The following PPFIBP1 variants were observed in gnomAD, a reference collection of about 807,000 sequenced individuals.
PPFIBP1 encodes PPFIB scaffold protein 1, also known as liprin-beta-1.
A neutral mutation model predicts 137.8 loss-of-function variants in PPFIBP1; 112 were observed. The ratio of observed to expected loss-of-function variants is 0.81; its 90% confidence interval spans 0.70 to 0.95. The LOEUF (loss-of-function observed/expected upper bound fraction) is 0.95. PPFIBP1 is among the 40% of genes least tolerant of loss of function. The pLI, the probability that PPFIBP1 is intolerant of heterozygous loss-of-function variation, is 0.00. For synonymous variants in PPFIBP1, 378 were observed against 417.3 expected, an observed-to-expected ratio of 0.91 and a Z score of 1.15; for missense variants, 1,083 against 1,196.6, an observed-to-expected ratio of 0.91 and a Z score of 1.40.
intron 19 of PPFIBP1, 148 bp downstream of exon 19, chr12:27,677,244 G>A: frequency 2.1e-6 from 2 of 942,092 alleles, no homozygotes; most frequent in African/African-American, 1.6e-5. Flanking sequence ...TCCACCTTCT[G>A]CTAAAAAGGA....
intron 8 of PPFIBP1, among the ~76,000 whole-genome samples, chr12:27,655,920 A>G (rs185880223): frequency 1.2e-3 from 183 of 152,382 alleles, no homozygotes; most frequent in South Asian, 5.2e-3. Context: ...TGCTAAAACT[A>G]ATTCTTTACT....
intron 2 of PPFIBP1, among the ~76,000 whole-genome samples, chr12:27,626,864 C>A (rs1171968239): frequency 6.6e-6 from 1 of 152,170 alleles, no homozygotes; most frequent in African/African-American, 2.4e-5. Context: ...CCATGTCTGG[C>A]AGGATTTGCA....
chr12:27,690,198 T>G (rs935309127), intron 27 of PPFIBP1, among the ~76,000 whole-genome samples: 1 of 151,464 alleles, frequency 6.6e-6, no homozygotes, highest in Non-Finnish European at 1.5e-5. Context: ...CAAGCAAATG[T>G]GGAGGGATGC....
At chr12:27,527,400 G>A (rs1025691062) in intron 1 of PPFIBP1, among the ~76,000 whole-genome samples, 2 of 151,784 alleles carry the variant, frequency 1.3e-5, no homozygotes, top group African/African-American at 2.4e-5. Flanking sequence ...GCACCAACAT[G>A]CCCGGTTAAT....
Position 27,664,367 on chromosome 12 carries a change from GA to G in PPFIBP1, c.916del (p.Ile306Ter). On this transcript the variant is annotated frameshift_variant, in exon 12 of 30. Coordinates refer to ENST00000228425, the MANE Select transcript of PPFIBP1 (RefSeq NM_003622.4). LOFTEE classifies it high-confidence loss of function. ...ACAATTTATTTTATTCCTAGGATCG[GA>G]AAATAGAAGATCTTCGACAGTGCCT... The part of the protein sequence containing the change: ...LMAANEEKDR[K>X]IEDLRQCLNR... 1 of 1,606,288 alleles carries G rather than the reference GA, an allele frequency of 6.2e-7. No individual in the cohort carries two copies. Among genetic ancestry groups the G allele is most frequent in the South Asian group, 1.1e-5 (1 of 90,710 alleles).
chr12:27,634,061 T>G (rs1456781842), intron 3 of PPFIBP1, among the ~76,000 whole-genome samples: 1 of 150,502 alleles, frequency 6.6e-6, no homozygotes. Context: ...GGTCTTAAAC[T>G]CCTGACCTCG....
At chr12:27,683,754 C>A (rs2061022590) in intron 24 of PPFIBP1, among the ~76,000 whole-genome samples, 1 of 151,606 alleles carries the variant, frequency 6.6e-6, no homozygotes, top group Admixed American at 6.6e-5. Flanking sequence ...ACTTAAAATT[C>A]TCTTTATTTA....
At chr12:27,643,837 A>G (rs1184928840) in intron 4 of PPFIBP1, among the ~76,000 whole-genome samples, 39 of 122,724 alleles carry the variant, frequency 3.2e-4, no homozygotes, top group Non-Finnish European at 5.1e-5. Context: ...TTATGTTCCT[A>G]TAGTGACTTT....
chr12:27,592,393 G>A, intron 2 of PPFIBP1: 2 of 608,846 alleles, frequency 3.3e-6, no homozygotes, highest in Non-Finnish European at 5.6e-6. Context: ...TAAACTATTG[G>A]GGATTATCAG....
intron 2 of PPFIBP1, among the ~76,000 whole-genome samples, chr12:27,582,725 C>A (rs2051266245): frequency 6.6e-6 from 1 of 152,094 alleles, no homozygotes; most frequent in South Asian, 2.1e-4. Flanking sequence ...GTAGCAGGAT[C>A]CACTTAGTCC....
intron 2 of PPFIBP1, among the ~76,000 whole-genome samples, chr12:27,583,824 C>T (rs115915384): frequency 0.018 from 2,666 of 152,266 alleles, 77 homozygotes; most frequent in African/African-American, 0.062. Flanking sequence ...GGACAGAAAA[C>T]ACCAAGTACC....
At chr12:27,559,493 G>C (rs977649639) in intron 1 of PPFIBP1, among the ~76,000 whole-genome samples, 3 of 152,146 alleles carry the variant, frequency 2.0e-5, no homozygotes, top group Admixed American at 2.0e-4. Flanking sequence ...CAACATCAAT[G>C]AGTATGTATG....
At chr12:27,614,271 TG>T (rs2055497754) in intron 2 of PPFIBP1, among the ~76,000 whole-genome samples, 1 of 152,014 alleles carries the variant, frequency 6.6e-6, no homozygotes, top group Non-Finnish European at 1.5e-5. Context: ...TCCAGCTACT[TG>T]GGAAGCTGAG....
intron 1 of PPFIBP1, among the ~76,000 whole-genome samples, chr12:27,541,218 G>A (rs544427483): frequency 6.0e-4 from 91 of 151,774 alleles, no homozygotes; most frequent in African/African-American, 2.1e-3. Flanking sequence ...CACCCACTAT[G>A]TATCATGGGA....
At chr12:27,663,291 G>A (rs2059660855) in intron 11 of PPFIBP1, among the ~76,000 whole-genome samples, 1 of 152,164 alleles carries the variant, frequency 6.6e-6, no homozygotes, top group Non-Finnish European at 1.5e-5. Flanking sequence ...GCCAGGCCCA[G>A]AATGAGAATG....
At chr12:27,595,380 G>C (rs563771315) in intron 2 of PPFIBP1, among the ~76,000 whole-genome samples, 2 of 152,202 alleles carry the variant, frequency 1.3e-5, no homozygotes, top group African/African-American at 4.8e-5. Context: ...AAGGGGAGAC[G>C]TGAGAAATCC....
intron 9 of PPFIBP1, 38 bp from the exon 10 acceptor site, chr12:27,658,778 G>A (rs775330116): frequency 1.3e-6 from 2 of 1,579,512 alleles, no homozygotes. Flanking sequence ...TTGTTGTAAT[G>A]TATGCTAACT....
At position 27,637,421 on chromosome 12, in the gene PPFIBP1, A is replaced by T. The variant is rs2057760591; in HGVS notation, c.270+2306A>T. The T allele has an allele frequency of 3.9e-5, 6 of 152,306 alleles. No individual in the cohort carries two copies. In the South Asian group the frequency reaches 1.2e-3, roughly 32 times the overall value. 9.4% of individuals were successfully genotyped at this position (152,306 alleles called of 1,614,324 possible). A position where few individuals can be genotyped will look rare whatever the true frequency, so the allele number is the denominator to read the frequency against. On this transcript the variant is annotated intron_variant, in intron 4 of 29. Coordinates refer to ENST00000228425, the MANE Select transcript of PPFIBP1 (RefSeq NM_003622.4). The stretch of plus-strand genomic sequence containing the variant: ...TATTATTTGACATTTTAACCTTGAG[A>T]ATCCACAAAATGACAAATATTTTAC...
intron 17 of PPFIBP1, 33 bp from the exon 18 acceptor site, chr12:27,676,394 GA>G: frequency 2.8e-6 from 4 of 1,435,352 alleles, no homozygotes; most frequent in Non-Finnish European, 3.7e-6. Flanking sequence ...TGCTGCACCT[GA>G]GAGCTGTTTC....
Sources: gnomAD v4.1 joint callset for allele counts (sites outside exome capture counted in the v4.1 genomes callset) on GRCh38, gnomAD v4.1.1 for gene constraint, MANE v1.5 for transcripts, NCBI Gene and HGNC (gene_info 2026-07-23, HGNC 2026-07-21) for gene names.